The following ROS1 variants were observed in gnomAD, a reference collection of about 807,000 sequenced individuals.
The protein encoded by ROS1 is proto-oncogene tyrosine-protein kinase ROS.
Under a neutral mutation model 273.5 loss-of-function variants are expected in ROS1, and 263 were observed. The ratio of observed to expected loss-of-function variants is 0.96; its 90% CI spans 0.87 to 1.06. The LOEUF is 1.06. ROS1 is among the 50% of genes least tolerant of loss of function. ROS1 has a pLI of 0.00. For synonymous variants in ROS1, 1,008 were observed against 954.1 expected (o/e 1.06, Z -1.04); for missense variants, 2,833 against 2,751.1 (o/e 1.03, Z -0.67).
intron 5 of ROS1, 21 bp from the exon 6 acceptor site, chr6:117,404,449 C>T: frequency 6.2e-7 from 1 of 1,611,396 alleles, no homozygotes; most frequent in Non-Finnish European, 8.5e-7. Context: ...AACAAGATTT[C>T]ACTCACCACG....
At chr6:117,300,023 T>C (rs573745360) in intron 43 of ROS1, among the ~76,000 whole-genome samples, 4 of 142,940 alleles carry the variant, frequency 2.8e-5, no homozygotes, top group East Asian at 4.2e-4. Context: ...CCCGGGTTCA[T>C]GCCATTCTCC....
Position 117,366,299 on chromosome 6 carries a change from A to G in ROS1, c.2583-9T>C, listed in dbSNP as rs778425416. 6.2e-7 allele frequency: 1 copy of G among 1,605,722 alleles called. No homozygotes were observed. Among genetic ancestry groups the G allele is most frequent in the South Asian group, 1.1e-5 (1 of 90,912 alleles). On this transcript the variant is annotated splice_polypyrimidine_tract_variant and intron_variant, in intron 18 of 43. Coordinates refer to ENST00000368507, the MANE Select transcript of ROS1 (RefSeq NM_001378902.1). ...TGGTGGTATCCCCAGTGCTGCTAAA[A>G]CATAACACCAATTAGTGTGTGTTTC...
In ROS1 at chr6:117,357,949, G is replaced by T; in HGVS notation, c.3694C>A (p.His1232Asn). The T allele has an allele frequency of 6.2e-7, 1 of 1,613,634 alleles. No homozygotes were observed. The highest frequency in any genetic ancestry group is 8.5e-7 in the Non-Finnish European group (1 of 1,179,710). ...TVITIDWISR[H>N]LYFALKESQN... Reference sequence around the variant, plus strand: ...GATTCTTTCAGTGCAAAGTAGAGGTGCCTTGAAATCCAGTCAATTGTAATA... The same window carrying T: ...GATTCTTTCAGTGCAAAGTAGAGGTTCCTTGAAATCCAGTCAATTGTAATA... Residue 1232 changes from histidine to asparagine, a missense_variant, in exon 25 of 44, where the codon CAC (histidine) becomes AAC (asparagine). His to Asn is a moderately conservative substitution (Grantham distance 68). Transcript: ENST00000368507.
chr6:117,373,240 G>A (rs1780983215), intron 18 of ROS1, among the ~76,000 whole-genome samples: 1 of 152,232 alleles, frequency 6.6e-6, no homozygotes, highest in East Asian at 1.9e-4. Context: ...AGTGGATCCT[G>A]TGCCAGGGCC....
At chr6:117,418,622 CTAAAG>C (rs1472489650) in intron 1 of ROS1, 116 bp from the exon 2 acceptor site, 4 of 658,908 alleles carry the variant, frequency 6.1e-6, no homozygotes, top group Admixed American at 3.7e-5. Context: ...TTTTGTAACT[CTAAAG>C]TAAAGAGCCA....
At chr6:117,377,264 C>T (rs2128681499) in intron 18 of ROS1, among the ~76,000 whole-genome samples, 1 of 152,256 alleles carries the variant, frequency 6.6e-6, no homozygotes, top group Middle Eastern at 3.4e-3. Flanking sequence ...GCGCCCATCA[C>T]CACGCTCAGC....
chr6:117,393,731 CAA>C (rs1562357895), intron 11 of ROS1, among the ~76,000 whole-genome samples: 13 of 152,044 alleles, frequency 8.6e-5, no homozygotes, highest in African/African-American at 2.4e-4. Context: ...CCACCACCAA[CAA>C]CAACAACAAA....
At chr6:117,320,965 A>G (rs1398037395) in intron 36 of ROS1, among the ~76,000 whole-genome samples, 1 of 152,036 alleles carries the variant, frequency 6.6e-6, no homozygotes, top group Non-Finnish European at 1.5e-5. Flanking sequence ...TCAACCAACC[A>G]TGTTACCATC....
At chr6:117,360,205 T>C in intron 23 of ROS1, 137 bp downstream of exon 23, 2 of 794,414 alleles carry the variant, frequency 2.5e-6, no homozygotes. Flanking sequence ...TGTGTTGGGG[T>C]CAAAAACATG....
intron 38 of ROS1, among the ~76,000 whole-genome samples, chr6:117,317,730 T>C (rs1000309082): frequency 1.3e-5 from 2 of 152,104 alleles, no homozygotes; most frequent in African/African-American, 4.8e-5. Context: ...TGAGACCCAA[T>C]CAACCACTGC....
intron 38 of ROS1, 132 bp downstream of exon 38, chr6:117,318,056 G>C (rs1468787681): frequency 5.8e-6 from 4 of 687,166 alleles, no homozygotes; most frequent in Non-Finnish European, 1.0e-5. Context: ...TGCAGATGTA[G>C]TTCCATTTAA....
rs571584222 is a variant in ROS1, at chr6:117,307,535, T to A, written c.6551+1259A>T. On this transcript the variant is annotated intron_variant, in intron 42 of 43. Transcript: ENST00000368507. The stretch of plus-strand genomic sequence containing the variant: ...TGAAAGGTTTTCAAATTTTGTATAA[T>A]TTCTTATCCTTAATTTATATAATTT... Among the ~76,000 whole-genome samples the A allele has an allele frequency of 1.5e-4, 23 of 152,256 alleles. No homozygotes were observed. In the South Asian group the frequency reaches 4.6e-3, roughly 30 times the overall value.
chr6:117,367,021 G>T (rs1355843408), intron 18 of ROS1, among the ~76,000 whole-genome samples: 1 of 152,160 alleles, frequency 6.6e-6, no homozygotes, highest in Non-Finnish European at 1.5e-5. Context: ...ATGAGGCAAG[G>T]TTCTTACAGG....
At chr6:117,317,117 C>T (rs1582600255) in intron 39 of ROS1, 26 bp downstream of exon 39, 4 of 1,599,548 alleles carry the variant, frequency 2.5e-6, no homozygotes, top group African/African-American at 1.3e-5. Context: ...ATTATGAAAC[C>T]AATATTATGG....
chr6:117,302,970 C>T (rs1431119945), intron 42 of ROS1, among the ~76,000 whole-genome samples: 1 of 152,154 alleles, frequency 6.6e-6, no homozygotes, highest in African/African-American at 2.4e-5. Flanking sequence ...TTCTTCACTT[C>T]CCCAGGGCTT....
intron 22 of ROS1, 60 bp downstream of exon 22, chr6:117,362,543 T>C: frequency 6.7e-7 from 1 of 1,498,274 alleles, no homozygotes; most frequent in Non-Finnish European, 9.1e-7. Flanking sequence ...AACATAGTCT[T>C]TCCCTCTCCC....
At chr6:117,389,996 T>C (rs989835001) in intron 12 of ROS1, 150 bp from the exon 13 acceptor site, 2 of 683,816 alleles carry the variant, frequency 2.9e-6, no homozygotes, top group African/African-American at 3.6e-5. Context: ...AAAAAGGTAA[T>C]TTCCTAAGAT....
intron 7 of ROS1, among the ~76,000 whole-genome samples, chr6:117,401,592 C>A (rs1203454233): frequency 2.6e-5 from 4 of 152,038 alleles, no homozygotes; most frequent in African/African-American, 9.7e-5. Flanking sequence ...TTCCCATAAC[C>A]CAGAAAATAC....
chr6:117,398,931 C>T (rs1174408797), intron 7 of ROS1, among the ~76,000 whole-genome samples: 10 of 150,578 alleles, frequency 6.6e-5, no homozygotes, highest in Non-Finnish European at 1.5e-4. Flanking sequence ...TGAGATCGTG[C>T]TACTGTACTC....
Sources: allele counts gnomAD v4.1 joint callset (sites outside exome capture counted in the v4.1 genomes callset), GRCh38; gene constraint gnomAD v4.1.1; transcripts MANE v1.5; gene names NCBI Gene and HGNC (gene_info 2026-07-23, HGNC 2026-07-21).